ERBB4: variants seen among roughly 807,000 people sequenced by gnomAD.
ERBB4 encodes erb-b2 receptor tyrosine kinase 4, also known as receptor tyrosine-protein kinase erbB-4.
ERBB4 carries 42 observed loss-of-function variants against 158.0 expected under a neutral mutation model. The observed-to-expected ratio is 0.27, with a 90% confidence interval of 0.21 to 0.34. The LOEUF (loss-of-function observed/expected upper bound fraction) is 0.34, where lower values mean the gene tolerates loss of function less well. Ranked by LOEUF, ERBB4 falls within the 10% of genes least tolerant of loss-of-function variation. ERBB4 has a pLI of 1.00. For missense variants in ERBB4, 1,333 were observed against 1,624.1 expected (o/e 0.82, Z 3.08); for synonymous variants, 583 against 558.7 (o/e 1.04, Z -0.61).
intron 5 of ERBB4, among the ~76,000 whole-genome samples, chr2:211,741,207 GC>G (rs1280909117): frequency 1.3e-5 from 2 of 151,976 alleles, no homozygotes; most frequent in Admixed American, 1.3e-4. Context: ...CAGCTCTTCT[GC>G]TGTGAAGACA....
intron 20 of ERBB4, among the ~76,000 whole-genome samples, chr2:211,523,520 T>G (rs936446462): frequency 6.6e-6 from 1 of 151,694 alleles, no homozygotes; most frequent in Non-Finnish European, 1.5e-5. Flanking sequence ...TTCGGATGTG[T>G]TCGGAGTTTC....
At chr2:211,733,006 G>A (rs2074478259) in intron 5 of ERBB4, among the ~76,000 whole-genome samples, 1 of 151,972 alleles carries the variant, frequency 6.6e-6, no homozygotes, top group South Asian at 2.1e-4. Flanking sequence ...CAAAAAAAGA[G>A]TAGGCCCATA....
rs1186503612 is a variant in ERBB4 at position 211,580,805 on chromosome 2, T to C, written c.2302-18717A>G. Among the ~76,000 whole-genome samples, 2 of 61,976 alleles carry C rather than the reference T, an allele frequency of 3.2e-5. 1 individual carries two copies. Among genetic ancestry groups the C allele is most frequent in the South Asian group, 8.6e-4 (2 of 2,330 alleles). The allele number at this position is 61,976 out of a possible 152,430, so 40.7% of individuals were successfully genotyped here. A position where few individuals can be genotyped will look rare whatever the true frequency, so the allele number is the denominator to read the frequency against. Reference sequence around the variant, plus strand: ...AAATTGTGATATATATATATATATATATATATAATATATATATATTATATA... The same window carrying C: ...AAATTGTGATATATATATATATATACATATATAATATATATATATTATATA... On this transcript the variant is annotated intron_variant, in intron 19 of 27. Coordinates refer to ENST00000342788, the MANE Select transcript of ERBB4 (RefSeq NM_005235.3).
chr2:211,533,005 T>C (rs2066542887), intron 20 of ERBB4, among the ~76,000 whole-genome samples: 1 of 136,572 alleles, frequency 7.3e-6, no homozygotes, highest in African/African-American at 2.7e-5. Context: ...AAAATAAAAA[T>C]ATTTGACATT....
At chr2:212,331,075 C>CGTATATATATAT (rs961860230) in intron 1 of ERBB4, among the ~76,000 whole-genome samples, 10 of 21,344 alleles carry the variant, frequency 4.7e-4, no homozygotes, top group South Asian at 1.7e-3. Context: ...TATATATACA[C>CGTATATATATAT]ATATATATAT....
At chr2:211,409,024 A>G (rs1168355574) in intron 25 of ERBB4, among the ~76,000 whole-genome samples, 1 of 152,182 alleles carries the variant, frequency 6.6e-6, no homozygotes, top group African/African-American at 2.4e-5. Context: ...GCTTCATAAA[A>G]TTTGTCCCCA....
intron 3 of ERBB4, among the ~76,000 whole-genome samples, chr2:211,844,822 C>CA (rs2077553263): frequency 1.3e-5 from 2 of 152,170 alleles, no homozygotes; most frequent in Admixed American, 1.3e-4. Context: ...CATTAAGCAC[C>CA]ATTTAACTGT....
At chr2:211,581,920 G>A (rs574019124) in intron 19 of ERBB4, among the ~76,000 whole-genome samples, 2 of 152,072 alleles carry the variant, frequency 1.3e-5, no homozygotes, top group African/African-American at 4.8e-5. Context: ...TGAGGCAGGA[G>A]AATCACTTGA....
intron 1 of ERBB4, among the ~76,000 whole-genome samples, chr2:212,448,936 T>C (rs1413134258): frequency 1.3e-5 from 2 of 152,138 alleles, no homozygotes; most frequent in East Asian, 1.9e-4. Context: ...TACATTTGCT[T>C]TTCCTCTTTT....
chr2:212,034,490 A>G (rs2076970509), intron 2 of ERBB4, among the ~76,000 whole-genome samples: 1 of 152,072 alleles, frequency 6.6e-6, no homozygotes, highest in Non-Finnish European at 1.5e-5. Flanking sequence ...AGACATAATA[A>G]TTGATGGGAA....
chr2:212,104,964 T>C (rs2079182847), intron 2 of ERBB4, among the ~76,000 whole-genome samples: 3 of 152,180 alleles, frequency 2.0e-5, no homozygotes, highest in African/African-American at 7.2e-5. Flanking sequence ...TTAACGAATT[T>C]GCCCAAGGTC....
chr2:212,338,821 T>C (rs1327434083), intron 1 of ERBB4, among the ~76,000 whole-genome samples: 3 of 152,168 alleles, frequency 2.0e-5, no homozygotes, highest in South Asian at 2.1e-4. Context: ...AACATTCATA[T>C]GGAGAAATTC....
intron 3 of ERBB4, among the ~76,000 whole-genome samples, chr2:211,863,208 C>A (rs1478095142): frequency 6.7e-6 from 1 of 150,116 alleles, no homozygotes; most frequent in East Asian, 1.9e-4. Context: ...CCAATCAGTG[C>A]TCTGTGTCTA....
intron 20 of ERBB4, among the ~76,000 whole-genome samples, chr2:211,495,375 G>T (rs185768856): frequency 6.6e-6 from 1 of 151,718 alleles, no homozygotes; most frequent in South Asian, 2.1e-4. Context: ...ATAATAATTC[G>T]CCTTTTGTGT....
At chr2:212,265,165 G>T (rs1313800197) in intron 1 of ERBB4, among the ~76,000 whole-genome samples, 1 of 152,086 alleles carries the variant, frequency 6.6e-6, no homozygotes, top group South Asian at 2.1e-4. Flanking sequence ...CCAGGCCCCT[G>T]CCCTTGAGAA....
chr2:211,949,829 T>C (rs1168058543), intron 2 of ERBB4, among the ~76,000 whole-genome samples: 1 of 152,196 alleles, frequency 6.6e-6, no homozygotes, highest in African/African-American at 2.4e-5. Flanking sequence ...CCCTACACTT[T>C]TACCTGCTTC....
intron 1 of ERBB4, among the ~76,000 whole-genome samples, chr2:212,465,452 T>G (rs976874215): frequency 6.6e-6 from 1 of 152,162 alleles, no homozygotes; most frequent in African/African-American, 2.4e-5. Flanking sequence ...ATAATCTATA[T>G]TTTCATATCT....
intron 1 of ERBB4, among the ~76,000 whole-genome samples, chr2:212,231,051 G>C (rs972762861): frequency 2.6e-5 from 4 of 152,156 alleles, no homozygotes; most frequent in Non-Finnish European, 2.9e-5. Context: ...TTAGAGTATA[G>C]TTAGGGTGTA....
At chr2:212,131,744 T>C (rs888561520) in intron 1 of ERBB4, among the ~76,000 whole-genome samples, 1 of 152,112 alleles carries the variant, frequency 6.6e-6, no homozygotes, top group Admixed American at 6.6e-5. Context: ...CCATGCCCAG[T>C]GATGAAATTC....
Sources: gnomAD v4.1 joint callset for allele counts (sites outside exome capture counted in the v4.1 genomes callset) on GRCh38, gnomAD v4.1.1 for gene constraint, MANE v1.5 for transcripts, NCBI Gene and HGNC (gene_info 2026-07-23, HGNC 2026-07-21) for gene names.